The following DNAAF4 variants were observed in gnomAD, a reference collection of about 807,000 sequenced individuals.
DNAAF4 encodes dynein axonemal assembly factor 4.
DNAAF4 carries 43 observed loss-of-function variants against 51.8 expected under a neutral mutation model. The observed-to-expected ratio is 0.83, with a 90% CI of 0.65 to 1.07. The LOEUF is 1.07. Ranked by LOEUF, DNAAF4 falls within the 50% of genes least tolerant of loss-of-function variation. The pLI is 0.00. For synonymous variants in DNAAF4, 194 were observed against 165.6 expected (o/e 1.17, Z -1.32); for missense variants, 581 against 493.0 (o/e 1.18, Z -1.69).
At chr15:55,464,766 G>A (rs1354161370) in intron 5 of DNAAF4, among the ~76,000 whole-genome samples, 7 of 152,194 alleles carry the variant, frequency 4.6e-5, no homozygotes, top group African/African-American at 9.6e-5. Flanking sequence ...TCAAGAGTTC[G>A]AGACCAGCCT....
chr15:55,456,699 T>C (rs113889087), intron 5 of DNAAF4, among the ~76,000 whole-genome samples: 1 of 152,248 alleles, frequency 6.6e-6, no homozygotes, highest in African/African-American at 2.4e-5. Flanking sequence ...TCCCAAAGTG[T>C]GAGGGAAGAA....
intron 1 of DNAAF4, among the ~76,000 whole-genome samples, chr15:55,507,365 A>T (rs764300321): frequency 3.3e-5 from 5 of 152,200 alleles, no homozygotes; most frequent in Non-Finnish European, 5.9e-5. Flanking sequence ...TGCTCAGAAC[A>T]CTTACATTAG....
chr15:55,447,726 C>T lies in DNAAF4; in HGVS notation c.783+2496G>A, dbSNP rs568247767. Among the ~76,000 whole-genome samples, 6 of 147,686 alleles carry T rather than the reference C, an allele frequency of 4.1e-5. No homozygotes were observed. The South Asian group carries it at 6.7e-4, about 16-fold the overall frequency. Reference sequence around the variant, plus strand: ...CTGAGGCAGGGAGGTGGCAGCGAGCCGAGATCACGGCAGTACAGTCCAGCC... The same window carrying T: ...CTGAGGCAGGGAGGTGGCAGCGAGCTGAGATCACGGCAGTACAGTCCAGCC... On this transcript the variant is annotated intron_variant, in intron 6 of 9. Transcript: ENST00000321149.
intron 7 of DNAAF4, 65 bp from the exon 8 acceptor site, chr15:55,435,123 C>A (rs2057586593): frequency 4.0e-6 from 6 of 1,504,074 alleles, no homozygotes; most frequent in Non-Finnish European, 1.8e-6. Context: ...GAAATAATAT[C>A]TAATTGTATT....
chr15:55,438,599 T>C (rs1156564136), intron 7 of DNAAF4, among the ~76,000 whole-genome samples: 4 of 151,738 alleles, frequency 2.6e-5, no homozygotes, highest in African/African-American at 9.7e-5. Context: ...TTGACCAACA[T>C]GGTGAAACCC....
rs118070560 is a variant in DNAAF4 at position 55,432,255 on chromosome 15, T to C, written c.1153+242A>G. 0.012 allele frequency among the ~76,000 whole-genome samples: 1,861 copies of C among 152,270 alleles called. 23 individuals carry two copies. Among genetic ancestry groups the C allele is most frequent in the Non-Finnish European group, 0.016 (1,076 of 68,008 alleles). On this transcript the variant is annotated intron_variant, in intron 9 of 9. Transcript: ENST00000321149. ...CATGAGCATCTGCACCCAGCTAATA[T>C]AGCATTTTTCTAGACTGAAACTTGT...
chr15:55,419,463 C>T (rs1166121857), intron 7 of DNAAF4, among the ~76,000 whole-genome samples: 3 of 151,082 alleles, frequency 2.0e-5, no homozygotes, highest in African/African-American at 7.3e-5. Flanking sequence ...ATCTCAAACT[C>T]CTGTCCTCAA....
At chr15:55,467,263 CTTGCCA>C in intron 4 of DNAAF4, 102 bp from the exon 5 acceptor site, 3 of 1,092,440 alleles carry the variant, frequency 2.7e-6, no homozygotes, top group Non-Finnish European at 3.9e-6. Flanking sequence ...CCTCTAAACT[CTTGCCA>C]TTGTATTTGT....
intron 1 of DNAAF4, among the ~76,000 whole-genome samples, chr15:55,498,816 C>T (rs2058674651): frequency 6.7e-6 from 1 of 150,328 alleles, no homozygotes; most frequent in Admixed American, 6.7e-5. Flanking sequence ...GAGGCTGAGG[C>T]AGCAGAATCG....
At chr15:55,478,217 G>A (rs2058362249) in intron 4 of DNAAF4, among the ~76,000 whole-genome samples, 1 of 152,178 alleles carries the variant, frequency 6.6e-6, no homozygotes, top group Non-Finnish European at 1.5e-5. Flanking sequence ...CCTCCACTAG[G>A]ACAATGACTG....
chr15:55,501,919 T>A lies in DNAAF4; in HGVS notation c.-255-3335A>T, dbSNP rs141826738. Reference sequence around the variant, plus strand: ...TTAGCCAGAGGTGGTGGTGTGTGCCTGTAATCCCAGCTACTCAGGAGGCTG... The same window carrying A: ...TTAGCCAGAGGTGGTGGTGTGTGCCAGTAATCCCAGCTACTCAGGAGGCTG... On this transcript the variant is annotated intron_variant, in intron 1 of 9. Coordinates refer to ENST00000321149, the MANE Select transcript of DNAAF4 (RefSeq NM_130810.4). 1.4e-4 allele frequency among the ~76,000 whole-genome samples: 22 copies of A among 151,816 alleles called. No homozygotes were observed. In the East Asian group the frequency reaches 4.3e-3, roughly 30 times the overall value.
chr15:55,467,303 G>C (rs1167139255), intron 4 of DNAAF4, 142 bp from the exon 5 acceptor site: 8 of 817,238 alleles, frequency 9.8e-6, no homozygotes, highest in Non-Finnish European at 1.5e-5. Context: ...AGTGAATTAT[G>C]AATTAAAATG....
chr15:55,433,819 A>G (rs1473233846), intron 8 of DNAAF4, among the ~76,000 whole-genome samples: 2 of 83,964 alleles, frequency 2.4e-5, no homozygotes, highest in Admixed American at 2.1e-4. Flanking sequence ...TATAATATAT[A>G]TTATATATAT....
intron 7 of DNAAF4, among the ~76,000 whole-genome samples, chr15:55,423,375 C>T (rs901375589): frequency 1.1e-4 from 16 of 151,952 alleles, no homozygotes; most frequent in South Asian, 8.3e-4. Context: ...GCCTGGCTAA[C>T]TTTTTTTCTA....
At chr15:55,495,285 T>C (rs1163228649) in intron 3 of DNAAF4, 1 of 148,372 alleles carries the variant, frequency 6.7e-6, no homozygotes. Flanking sequence ...CTGAGCTGAA[T>C]ACCCGATCTT....
intron 5 of DNAAF4, among the ~76,000 whole-genome samples, chr15:55,452,927 G>A (rs952307060): frequency 1.6e-4 from 24 of 152,210 alleles, no homozygotes; most frequent in African/African-American, 4.8e-4. Context: ...CCGGGTTCAA[G>A]CGATTCTCCT....
At chr15:55,468,403 G>C (rs2058200698) in intron 4 of DNAAF4, among the ~76,000 whole-genome samples, 2 of 152,208 alleles carry the variant, frequency 1.3e-5, no homozygotes, top group African/African-American at 4.8e-5. Context: ...TTTTACCTCA[G>C]GCTTAAATTA....
At chr15:55,428,657 G>C (rs1347703788), downstream of DNAAF4, among the ~76,000 whole-genome samples, 3 of 150,926 alleles carry the variant, frequency 2.0e-5, no homozygotes, top group Admixed American at 6.6e-5. Context: ...ACCACGCCTG[G>C]CTAAATTTTT....
chr15:55,500,215 A>G (rs2058688419), intron 1 of DNAAF4, among the ~76,000 whole-genome samples: 1 of 152,182 alleles, frequency 6.6e-6, no homozygotes, highest in Admixed American at 6.5e-5. Flanking sequence ...ACTTGAAGAG[A>G]AAACCATCTT....
Sources: allele counts gnomAD v4.1 joint callset (sites outside exome capture counted in the v4.1 genomes callset), GRCh38; gene constraint gnomAD v4.1.1; transcripts MANE v1.5; gene names NCBI Gene and HGNC (gene_info 2026-07-23, HGNC 2026-07-21).